Variants in CEP192 observed in about 807,000 individuals in gnomAD.
The protein encoded by CEP192 is centrosomal protein 192.
A neutral mutation model predicts 271.8 loss-of-function variants in CEP192; 151 were observed. The observed-to-expected ratio is 0.56, with a 90% CI of 0.49 to 0.64. The LOEUF (loss-of-function observed/expected upper bound fraction) is 0.64. CEP192 is among the 30% of genes least tolerant of loss of function. The probability of loss-of-function intolerance (pLI) is 0.00; values close to 1 mark genes in which losing one functional copy is unlikely to be tolerated. For synonymous variants in CEP192, 995 were observed against 1,076.5 expected (o/e 0.92, Z 1.48); for missense variants, 2,910 against 3,020.5 (o/e 0.96, Z 0.86).
intron 30 of CEP192, among the ~76,000 whole-genome samples, chr18:13,081,493 A>G (rs1015990290): frequency 4.6e-5 from 7 of 152,000 alleles, no homozygotes; most frequent in Non-Finnish European, 7.4e-5. Context: ...CCCCTTTACC[A>G]TTGTTTATTG....
chr18:13,082,432 C>CTTTTTTTTTTTTTTTTTT lies in CEP192; in HGVS notation c.5617-4577_5617-4560dup, dbSNP rs57663388. 6.8e-4 allele frequency among the ~76,000 whole-genome samples: 34 copies of CTTTTTTTTTTTTTTTTTT among 49,944 alleles called. 1 individual carries two copies. The highest frequency in any genetic ancestry group is 8.7e-4 in the African/African-American group (9 of 10,314). The allele number at this position is 49,944 out of a possible 152,430, so 32.8% of individuals were successfully genotyped here. Reference sequence around the variant, plus strand: ...TCAGAGACTAGGATTGCAACCCCTGCTTTTTTTTTTTTTTTTTTTTTTTTT... The same window carrying CTTTTTTTTTTTTTTTTTT: ...TCAGAGACTAGGATTGCAACCCCTGCTTTTTTTTTTTTTTTTTTTTTTTTTTTTTTTTTTTTTTTTTTT... On this transcript the variant is annotated intron_variant, in intron 30 of 44. Coordinates refer to ENST00000506447, the MANE Select transcript of CEP192 (RefSeq NM_032142.4).
At chr18:13,087,738 C>G in intron 32 of CEP192, 92 bp downstream of exon 32, 1 of 538,594 alleles carries the variant, frequency 1.9e-6, no homozygotes, top group South Asian at 4.4e-5. Context: ...TAGAGTATTT[C>G]ACTATTTATT....
intron 4 of CEP192, 42 bp downstream of exon 4, chr18:13,008,673 AATTTCCTTTTTC>A (rs762831762): frequency 2.9e-6 from 4 of 1,392,998 alleles, no homozygotes; most frequent in Non-Finnish European, 3.9e-6. Flanking sequence ...CATATGTTTT[AATTTCCTTTTTC>A]ATTTCCTTAT....
chr18:13,107,996 C>A (rs1480560438), intron 40 of CEP192, among the ~76,000 whole-genome samples: 1 of 151,304 alleles, frequency 6.6e-6, no homozygotes, highest in Non-Finnish European at 1.5e-5. Context: ...AATAAAGCCA[C>A]AAACCTACAG....
intron 30 of CEP192, among the ~76,000 whole-genome samples, chr18:13,076,865 C>T (rs989363080): frequency 6.6e-6 from 1 of 152,108 alleles, no homozygotes; most frequent in South Asian, 2.1e-4. Flanking sequence ...CTCACTGCAA[C>T]TTCCACCTCC....
rs2040328558 is a variant in CEP192 at position 13,114,131 on chromosome 18, G to T, written c.7169G>T (p.Ser2390Ile). ...HTLRFQLSGQSIEAENEPENA... is the reference protein window; with the variant it reads ...HTLRFQLSGQIIEAENEPENA... ...TTACCCTGTGATTTTTCTGTATAGA[G>T]CATCGAAGCAGAAAATGAGCCTGAA... Residue 2390 changes from serine (S) to isoleucine (I), a missense_variant and splice_region_variant, in exon 42 of 45, where the codon AGC (serine) becomes ATC (isoleucine). Ser to Ile is a moderately radical substitution (Grantham distance 142). Coordinates refer to ENST00000506447, the MANE Select transcript of CEP192 (RefSeq NM_032142.4). 1 of 1,612,760 alleles carries T rather than the reference G, an allele frequency of 6.2e-7. No homozygotes were observed. Among genetic ancestry groups the T allele is most frequent in the Admixed American group, 1.7e-5 (1 of 59,750 alleles).
rs746817303 is a variant in CEP192 at position 13,055,827 on chromosome 18, A to G, written c.3237A>G (p.Pro1079=). 11 of 1,607,240 alleles carry G rather than the reference A, an allele frequency of 6.8e-6. No individual in the cohort carries two copies. The South Asian group carries it at 1.2e-4, about 18-fold the overall frequency. ...GTACCACAATTATTCAAGGCAGTCC[A>G]GCCGCATTGGAGGAACGGGCTATGG... ...ELSTTIIQGS[P]AALEERAMEK... is the part of the protein sequence containing the mutation. The change falls in exon 19 of 45, where the codon CCA becomes CCG. Residue 1079 remains proline (P), a synonymous_variant. Transcript: ENST00000506447.
intron 19 of CEP192, among the ~76,000 whole-genome samples, chr18:13,057,286 C>G (rs890427243): frequency 2.0e-5 from 3 of 149,820 alleles, no homozygotes; most frequent in Non-Finnish European, 4.4e-5. Context: ...GAATGACTTA[C>G]AATTTATGAG....
chr18:13,112,763 G>T (rs750099436), intron 40 of CEP192, among the ~76,000 whole-genome samples: 1 of 152,166 alleles, frequency 6.6e-6, no homozygotes, highest in Non-Finnish European at 1.5e-5. Context: ...GCTCAGGCTG[G>T]CTGGGTTATT....
chr18:13,017,683 A>G (rs542369644), intron 7 of CEP192, among the ~76,000 whole-genome samples: 1 of 152,324 alleles, frequency 6.6e-6, no homozygotes, highest in South Asian at 2.1e-4. Context: ...ATTTCACTCG[A>G]ATACTTCAGC....
intron 11 of CEP192, among the ~76,000 whole-genome samples, chr18:13,032,075 G>A (rs2035661900): frequency 6.6e-6 from 1 of 152,212 alleles, no homozygotes; most frequent in Admixed American, 6.5e-5. Flanking sequence ...ATTGAGGCTT[G>A]TCTGGAAAGC....
chr18:13,055,561 C>A (rs2037049659), intron 18 of CEP192, among the ~76,000 whole-genome samples: 1 of 152,132 alleles, frequency 6.6e-6, no homozygotes, highest in Non-Finnish European at 1.5e-5. Context: ...TATTTATTTT[C>A]CTCATGGTAT....
rs1455741299 is a variant in CEP192, at chr18:13,073,199, A to C, written c.5616+14A>C. ...ATTAAGTTCACAGTAAGATCATTTT[A>C]TTGCCTTTCCCTTCCCCTGGAGTTT... On this transcript the variant is annotated intron_variant, in intron 30 of 44. Coordinates refer to ENST00000506447, the MANE Select transcript of CEP192 (RefSeq NM_032142.4). 1.0e-5 allele frequency: 16 copies of C among 1,590,926 alleles called. No homozygotes were observed. The highest frequency in any genetic ancestry group is 1.4e-5 in the Non-Finnish European group (16 of 1,170,394).
intron 9 of CEP192, among the ~76,000 whole-genome samples, chr18:13,025,960 T>C (rs185762895): frequency 3.2e-4 from 48 of 152,346 alleles, no homozygotes; most frequent in Non-Finnish European, 5.3e-4. Context: ...TTTGATGCTC[T>C]TCCTTTCTTT....
intron 15 of CEP192, among the ~76,000 whole-genome samples, chr18:13,045,154 A>G (rs973830204): frequency 6.6e-6 from 1 of 152,104 alleles, no homozygotes; most frequent in Non-Finnish European, 1.5e-5. Context: ...ATCTCACCAG[A>G]TACTTTCAAT....
At chr18:13,037,993 G>A (rs1281346191) in intron 12 of CEP192, among the ~76,000 whole-genome samples, 1 of 152,070 alleles carries the variant, frequency 6.6e-6, no homozygotes, top group African/African-American at 2.4e-5. Context: ...TGAAGCAATA[G>A]ATGAAGATAA....
At chr18:13,009,537 A>G (rs1258140419) in intron 4 of CEP192, among the ~76,000 whole-genome samples, 1 of 152,254 alleles carries the variant, frequency 6.6e-6, no homozygotes, top group Non-Finnish European at 1.5e-5. Context: ...AAGTCATTTG[A>G]TAAATTGCCC....
At position 13,025,801 on chromosome 18, in the gene CEP192, G is replaced by T. The variant is rs551421115; in HGVS notation, c.1051-3862G>T. Among the ~76,000 whole-genome samples the T allele has an allele frequency of 2.0e-5, 3 of 152,032 alleles. No individual in the cohort carries two copies. The South Asian group carries it at 6.2e-4, about 32-fold the overall frequency. Reference sequence around the variant, plus strand: ...TAAATATAAGCATATATGTGTGTCTGTATATAGACACACACCCTCACCTAT... The same window carrying T: ...TAAATATAAGCATATATGTGTGTCTTTATATAGACACACACCCTCACCTAT... On this transcript the variant is annotated intron_variant, in intron 9 of 44. Transcript: ENST00000506447.
chr18:13,028,901 C>T (rs746518245), intron 9 of CEP192, among the ~76,000 whole-genome samples: 1 of 152,218 alleles, frequency 6.6e-6, no homozygotes, highest in Non-Finnish European at 1.5e-5. Context: ...CTATGTCTTT[C>T]TTATTCGAAA....
Sources: gnomAD v4.1 joint callset for allele counts (sites outside exome capture counted in the v4.1 genomes callset) on GRCh38, gnomAD v4.1.1 for gene constraint, MANE v1.5 for transcripts, NCBI Gene and HGNC (gene_info 2026-07-23, HGNC 2026-07-21) for gene names.